DYNC2H1: variants seen among roughly 807,000 people sequenced by gnomAD.
The protein encoded by DYNC2H1 is dynein cytoplasmic 2 heavy chain 1.
A neutral mutation model predicts 570.0 loss-of-function variants in DYNC2H1; 410 were observed. The ratio of observed to expected loss-of-function variants is 0.72; its 90% CI spans 0.66 to 0.78. The LOEUF is 0.78. DYNC2H1 is among the 30% of genes least tolerant of loss of function. DYNC2H1 has a pLI of 0.00. For missense variants in DYNC2H1, 4,865 were observed against 5,046.4 expected (o/e 0.96, Z 1.09); for synonymous variants, 1,688 against 1,677.6 (o/e 1.01, Z -0.15).
At chr11:103,413,388 T>TTATGTTAAATAACAGTTTAC (rs1221961171) in intron 84 of DYNC2H1, among the ~76,000 whole-genome samples, 3 of 148,676 alleles carry the variant, frequency 2.0e-5, no homozygotes, top group Non-Finnish European at 4.4e-5. Context: ...AACATAATAT[T>TTATGTTAAATAACAGTTTAC]TATGTTAAAT....
In DYNC2H1 at chr11:103,446,689, T is replaced by C. The variant is rs1242372474; in HGVS notation, c.12457-8497T>C. 6.6e-6 allele frequency among the ~76,000 whole-genome samples: 1 copy of C among 152,050 alleles called. No homozygotes were observed. The highest frequency in any genetic ancestry group is 1.5e-5 in the Non-Finnish European group (1 of 68,006). On this transcript the variant is annotated intron_variant, in intron 85 of 88. Coordinates refer to ENST00000375735, the MANE Select transcript of DYNC2H1 (RefSeq NM_001377.3). The surrounding 1 kb of genome is among the most constrained non-coding windows in gnomAD (Gnocchi z 4.5). Reference sequence around the variant, plus strand: ...TTTGGTTTGGTTTTGTTTTTTAATATAGGGGATTTTTGACCATATCTGTGT... The same window carrying C: ...TTTGGTTTGGTTTTGTTTTTTAATACAGGGGATTTTTGACCATATCTGTGT...
At chr11:103,374,140 A>G (rs1403715509) in intron 83 of DYNC2H1, among the ~76,000 whole-genome samples, 3 of 152,068 alleles carry the variant, frequency 2.0e-5, no homozygotes, top group South Asian at 4.2e-4. Context: ...TTAATTGGAG[A>G]ATGATATGGT....
intron 85 of DYNC2H1, among the ~76,000 whole-genome samples, chr11:103,444,578 T>A (rs1944367185): frequency 6.6e-6 from 1 of 152,182 alleles, no homozygotes; most frequent in Admixed American, 6.5e-5. Flanking sequence ...TTAAACTTTA[T>A]TTCTAATACA....
intron 83 of DYNC2H1, among the ~76,000 whole-genome samples, chr11:103,383,635 A>T (rs767221132): frequency 7.2e-6 from 1 of 139,462 alleles, no homozygotes; most frequent in South Asian, 2.5e-4. Context: ...CACCACGCCC[A>T]GCTAATTTTT....
rs12799152 is a variant in DYNC2H1 at position 103,334,347 on chromosome 11, G to A, written c.12039+10357G>A. On this transcript the variant is annotated intron_variant, in intron 82 of 88. Coordinates refer to ENST00000375735, the MANE Select transcript of DYNC2H1 (RefSeq NM_001377.3). The surrounding 1 kb of genome is among the most constrained non-coding windows in gnomAD (Gnocchi z 4.3). Reference sequence around the variant, plus strand: ...AATTTAGGTATTTCTGGCACGGATAGGGTAGAACAGAATTTGGCTACAAGG... The same window carrying A: ...AATTTAGGTATTTCTGGCACGGATAAGGTAGAACAGAATTTGGCTACAAGG... 0.044 allele frequency among the ~76,000 whole-genome samples: 6,722 copies of A among 152,162 alleles called. 306 individuals carry two copies. The highest frequency in any genetic ancestry group is 0.19 in the East Asian group (987 of 5,174).
rs1423235528 is a variant in DYNC2H1 at position 103,277,832 on chromosome 11, G to A, written c.10696-2516G>A. On this transcript the variant is annotated intron_variant, in intron 70 of 88. Transcript: ENST00000375735. This position sits in a 1 kb window ranked among gnomAD's most constrained non-coding sequence, Gnocchi z 4.3. ...ACAAGTATGATGTTTAATTTTTTCA[G>A]AGGACGCTTTTCTTTTCCCCAGATT... Among the ~76,000 whole-genome samples, 2 of 152,148 alleles carry A rather than the reference G, an allele frequency of 1.3e-5. No homozygotes were observed. Among genetic ancestry groups the A allele is most frequent in the East Asian group, 3.8e-4 (2 of 5,196 alleles).
chr11:103,121,834 C>G (rs1299296946), intron 10 of DYNC2H1, among the ~76,000 whole-genome samples: 1 of 151,980 alleles, frequency 6.6e-6, no homozygotes, highest in Non-Finnish European at 1.5e-5. Flanking sequence ...ATCTGTAGTC[C>G]CAGCTACTCA....
chr11:103,428,924 A>C (rs148049000), intron 84 of DYNC2H1, among the ~76,000 whole-genome samples: 241 of 152,174 alleles, frequency 1.6e-3, no homozygotes, highest in Middle Eastern at 3.4e-3. Context: ...AACTTTTTAT[A>C]ACAGTGTAAT....
chr11:103,273,094 A>G (rs1865774154), intron 70 of DYNC2H1, among the ~76,000 whole-genome samples: 1 of 150,948 alleles, frequency 6.6e-6, no homozygotes, highest in Non-Finnish European at 1.5e-5. Flanking sequence ...AACTATTCAG[A>G]AAGCCTTAAT....
chr11:103,344,058 G>A (rs561665937), intron 82 of DYNC2H1, among the ~76,000 whole-genome samples: 23 of 152,294 alleles, frequency 1.5e-4, no homozygotes, highest in African/African-American at 4.6e-4. Flanking sequence ...AGAGCAATTT[G>A]AGATAAACAC....
rs1243703225 is a variant in DYNC2H1 at position 103,253,424 on chromosome 11, A to G, written c.10182A>G (p.Thr3394=). 3 of 1,612,238 alleles carry G rather than the reference A, an allele frequency of 1.9e-6. No individual in the cohort carries two copies. Among genetic ancestry groups the G allele is most frequent in the African/African-American group, 1.3e-5 (1 of 74,914 alleles). The change falls in exon 66 of 89, where the codon ACA becomes ACG. Residue 3394 remains threonine, a synonymous_variant. Coordinates refer to ENST00000375735, the MANE Select transcript of DYNC2H1 (RefSeq NM_001377.3). ...TTGTTACTGAGGTTAACTTTACTAC[A>G]ACAAGAAGTGGATTACGAGGGCAGG... is the stretch of plus-strand genomic sequence containing the variant. The part of the protein sequence containing the change: ...ASIVTEVNFT[T]TRSGLRGQLL...
chr11:103,154,695 G>A lies in DYNC2H1; in HGVS notation c.3459G>A (p.Arg1153=). 1 of 1,569,136 alleles carries A rather than the reference G, an allele frequency of 6.4e-7. No individual in the cohort carries two copies. Among genetic ancestry groups the A allele is most frequent in the African/African-American group, 1.4e-5 (1 of 73,964 alleles). Residue 1153 remains arginine (R), a splice_region_variant and synonymous_variant, in exon 24 of 89, where the codon CGG becomes CGA. Transcript: ENST00000375735. ...GCAATGTGTTTTTGGTATTTTATAG[G>A]ACTAAGACATACCTGTTTGAGGAAT... is the stretch of plus-strand genomic sequence containing the variant. The part of the protein sequence containing the change: ...EMANEDWITF[R]TKTYLFEEFL...
At chr11:103,436,184 A>C (rs1944053893) in intron 85 of DYNC2H1, among the ~76,000 whole-genome samples, 152 bp downstream of exon 85, 1 of 133,288 alleles carries the variant, frequency 7.5e-6, no homozygotes. Flanking sequence ...TTATTTTTGT[A>C]TAGCACTGTT....
intron 84 of DYNC2H1, among the ~76,000 whole-genome samples, chr11:103,425,933 G>A (rs556980299): frequency 7.1e-6 from 1 of 140,148 alleles, no homozygotes; most frequent in Admixed American, 7.3e-5. Flanking sequence ...CCCAAATCTG[G>A]CCATAAACTG....
In DYNC2H1 at chr11:103,280,297, C is replaced by T. The variant is rs1866079066; in HGVS notation, c.10696-51C>T. 2 of 1,534,254 alleles carry T rather than the reference C, an allele frequency of 1.3e-6. No homozygotes were observed. The highest frequency in any genetic ancestry group is 4.9e-5 in the East Asian group (2 of 40,766). On this transcript the variant is annotated intron_variant, in intron 70 of 88. Coordinates refer to ENST00000375735, the MANE Select transcript of DYNC2H1 (RefSeq NM_001377.3). The surrounding 1 kb of genome is among the most constrained non-coding windows in gnomAD (Gnocchi z 4.7). ...GCCAAATTTTAACGACTATGCTTTT[C>T]CAAAGACACAAATTTTTAAAAGGCA...
chr11:103,112,510 TAA>T (rs1858161783), intron 1 of DYNC2H1, among the ~76,000 whole-genome samples: 1 of 152,184 alleles, frequency 6.6e-6, no homozygotes, highest in Non-Finnish European at 1.5e-5. Context: ...AGCAGACATG[TAA>T]TACTTTGTAA....
chr11:103,212,367 G>T, intron 54 of DYNC2H1, among the ~76,000 whole-genome samples: 1 of 151,872 alleles, frequency 6.6e-6, no homozygotes, highest in South Asian at 2.1e-4. Flanking sequence ...GGTGATGGGT[G>T]CACCAGTATC....
At chr11:103,212,055 T>C in intron 54 of DYNC2H1, 112 bp downstream of exon 54, 2 of 1,210,110 alleles carry the variant, frequency 1.7e-6, no homozygotes, top group South Asian at 3.8e-5. Context: ...AAATGTACTG[T>C]ATTAAAAGCC....
intron 78 of DYNC2H1, among the ~76,000 whole-genome samples, chr11:103,309,339 AT>A (rs1867462051): frequency 6.8e-6 from 1 of 147,700 alleles, no homozygotes; most frequent in Non-Finnish European, 1.5e-5. Context: ...CACCCAGATA[AT>A]TTTTTTATTT....
Sources: allele counts gnomAD v4.1 joint callset (sites outside exome capture counted in the v4.1 genomes callset), GRCh38; gene constraint gnomAD v4.1.1; non-coding constraint Gnocchi (gnomAD v3.1); transcripts MANE v1.5; gene names NCBI Gene and HGNC (gene_info 2026-07-23, HGNC 2026-07-21).